The following ATG10 variants were observed in gnomAD, a reference collection of about 807,000 sequenced individuals.
ATG10 encodes the protein autophagy related 10.
In ATG10, 30 loss-of-function variants were observed where a neutral mutation model predicts 32.1. That is an observed-to-expected ratio of 0.94 (90% CI 0.70 to 1.27). ATG10 has a LOEUF of 1.27. Among genes scored for constraint, ATG10 ranks in the 50% most tolerant of loss-of-function variants. The probability of loss-of-function intolerance (pLI) is 0.00; values close to 1 mark genes in which losing one functional copy is unlikely to be tolerated. For synonymous variants in ATG10, 87 were observed against 91.5 expected, an observed-to-expected ratio of 0.95 and a Z score of 0.28; for missense variants, 233 against 262.3, an observed-to-expected ratio of 0.89 and a Z score of 0.77.
intron 3 of ATG10, among the ~76,000 whole-genome samples, chr5:82,062,696 C>G (rs1763823659): frequency 6.6e-6 from 1 of 152,130 alleles, no homozygotes; most frequent in East Asian, 1.9e-4. Flanking sequence ...ATATTCTATT[C>G]TTACCTTTAG....
intron 2 of ATG10, among the ~76,000 whole-genome samples, chr5:81,995,988 T>A (rs1386889319): frequency 6.6e-6 from 1 of 152,238 alleles, no homozygotes; most frequent in African/African-American, 2.4e-5. Flanking sequence ...CAGATCTAGA[T>A]AACTAGTTGC....
intron 5 of ATG10, among the ~76,000 whole-genome samples, chr5:82,222,507 A>G (rs564280782): frequency 1.3e-5 from 2 of 152,256 alleles, no homozygotes; most frequent in Non-Finnish European, 1.5e-5. Context: ...CAAATTGATG[A>G]TGAACATAAT....
At chr5:82,037,387 A>G (rs930228805) in intron 2 of ATG10, among the ~76,000 whole-genome samples, 1 of 145,162 alleles carries the variant, frequency 6.9e-6, no homozygotes, top group Non-Finnish European at 1.5e-5. Context: ...AGCTGGGACT[A>G]CAGGCGCCCG....
At chr5:82,041,520 A>G (rs762878848) in intron 2 of ATG10, among the ~76,000 whole-genome samples, 4 of 152,238 alleles carry the variant, frequency 2.6e-5, no homozygotes, top group African/African-American at 2.4e-5. Context: ...TAGAGTACTT[A>G]GGTAATAAGA....
chr5:81,979,616 C>T (rs941514407), intron 1 of ATG10, among the ~76,000 whole-genome samples: 3 of 151,562 alleles, frequency 2.0e-5, no homozygotes, highest in Non-Finnish European at 4.4e-5. Context: ...AGACATTGCT[C>T]TATCATCTGG....
chr5:82,239,460 T>G (rs1275102912), intron 5 of ATG10, among the ~76,000 whole-genome samples: 1 of 152,110 alleles, frequency 6.6e-6, no homozygotes, highest in Non-Finnish European at 1.5e-5. Context: ...AAACAGTCAG[T>G]TGCCTATATG....
intron 4 of ATG10, among the ~76,000 whole-genome samples, chr5:82,172,187 G>A (rs1743833844): frequency 6.6e-6 from 1 of 152,156 alleles, no homozygotes; most frequent in Middle Eastern, 3.2e-3. Flanking sequence ...GGGACCACTA[G>A]TAATAGTAGC....
chr5:82,125,035 G>C (rs1766208554), intron 3 of ATG10, among the ~76,000 whole-genome samples: 1 of 152,188 alleles, frequency 6.6e-6, no homozygotes, highest in Non-Finnish European at 1.5e-5. Flanking sequence ...TTTCTCTAAA[G>C]ACCAGAGATG....
intron 2 of ATG10, among the ~76,000 whole-genome samples, chr5:82,016,815 A>G (rs1337258592): frequency 6.6e-6 from 1 of 151,918 alleles, no homozygotes; most frequent in African/African-American, 2.4e-5. Flanking sequence ...CAGCCTCCCA[A>G]GTAGCTGGGA....
chr5:82,063,268 A>G (rs1450564540), intron 3 of ATG10, among the ~76,000 whole-genome samples: 1 of 152,180 alleles, frequency 6.6e-6, no homozygotes, highest in Non-Finnish European at 1.5e-5. Context: ...ACAGTGAGCT[A>G]TGATCACAGC....
intron 3 of ATG10, among the ~76,000 whole-genome samples, chr5:82,110,943 A>G (rs1765599583): frequency 6.6e-6 from 1 of 152,056 alleles, no homozygotes; most frequent in Non-Finnish European, 1.5e-5. Flanking sequence ...GTGCTTCTTT[A>G]CTACACACAA....
chr5:82,190,208 AT>A (rs1483203956), intron 5 of ATG10, among the ~76,000 whole-genome samples: 1 of 152,166 alleles, frequency 6.6e-6, no homozygotes. Context: ...AAAAAATAAT[AT>A]ATACTGAAAA....
At chr5:82,118,387 C>CATATATATATATATATATAGATATATAT (rs71605823) in intron 3 of ATG10, among the ~76,000 whole-genome samples, 1 of 80,734 alleles carries the variant, frequency 1.2e-5, no homozygotes, top group African/African-American at 5.5e-5. Flanking sequence ...AATATATGTA[C>CATATATATATATATATATAGATATATAT]ATATATATAT....
intron 5 of ATG10, among the ~76,000 whole-genome samples, chr5:82,190,773 C>CG (rs1744630703): frequency 1.9e-5 from 1 of 53,654 alleles, no homozygotes. Context: ...GACTCCATCT[C>CG]AAAAAAAAAA....
intron 3 of ATG10, among the ~76,000 whole-genome samples, chr5:82,107,391 G>A (rs912528678): frequency 2.6e-5 from 4 of 152,046 alleles, no homozygotes; most frequent in Admixed American, 6.6e-5. Context: ...GTGTTTGCAG[G>A]AGATAAAGGG....
At chr5:82,026,019 A>G (rs1173027547) in intron 2 of ATG10, among the ~76,000 whole-genome samples, 4 of 152,222 alleles carry the variant, frequency 2.6e-5, no homozygotes, top group African/African-American at 9.6e-5. Flanking sequence ...ACAATTTTTA[A>G]ATGTATACAG....
intron 5 of ATG10, among the ~76,000 whole-genome samples, chr5:82,207,742 A>G (rs1379690355): frequency 6.6e-6 from 1 of 152,200 alleles, no homozygotes; most frequent in African/African-American, 2.4e-5. Context: ...ATGCTGTCCA[A>G]TAGAACTTTC....
At chr5:82,068,440 C>G (rs421674) in intron 3 of ATG10, among the ~76,000 whole-genome samples, 1 of 151,876 alleles carries the variant, frequency 6.6e-6, no homozygotes, top group African/African-American at 2.4e-5. Context: ...GGAGAAATAC[C>G]TAATGTAGAT....
chr5:82,080,914 T>C lies in ATG10; in HGVS notation c.216+22312T>C, dbSNP rs559257245. 9.2e-5 allele frequency among the ~76,000 whole-genome samples: 14 copies of C among 152,342 alleles called. No individual in the cohort carries two copies. In the East Asian group the frequency reaches 2.7e-3, roughly 29 times the overall value. ...TTCTGTGAAGAAAGTCATTGGTAGC[T>C]TGATGGGGATGGCACTGAATCTATA... On this transcript the variant is annotated intron_variant, in intron 3 of 7. Coordinates refer to ENST00000282185, the MANE Select transcript of ATG10 (RefSeq NM_031482.5).
Sources: gnomAD v4.1 joint callset for allele counts (sites outside exome capture counted in the v4.1 genomes callset) on GRCh38, gnomAD v4.1.1 for gene constraint, MANE v1.5 for transcripts, NCBI Gene and HGNC (gene_info 2026-07-23, HGNC 2026-07-21) for gene names.